The following ZEB1 variants were observed in gnomAD, a reference collection of about 807,000 sequenced individuals.
ZEB1 encodes zinc finger E-box-binding homeobox 1.
A neutral mutation model predicts 84.9 loss-of-function variants in ZEB1; 21 were observed. That is an observed-to-expected ratio of 0.25 (90% CI 0.18 to 0.36). ZEB1 has a LOEUF of 0.36. ZEB1 is among the 10% of genes least tolerant of loss of function. The pLI is 1.00. For synonymous variants in ZEB1, 420 were observed against 471.1 expected (o/e 0.89, Z 1.41); for missense variants, 1,104 against 1,330.2 (o/e 0.83, Z 2.65).
At chr10:31,388,511 A>G (rs908574390) in intron 1 of ZEB1, among the ~76,000 whole-genome samples, 2 of 152,106 alleles carry the variant, frequency 1.3e-5, no homozygotes, top group African/African-American at 4.8e-5. Context: ...TTGCTGTTAG[A>G]ATGAGGAAAA....
intron 2 of ZEB1, among the ~76,000 whole-genome samples, chr10:31,471,641 A>G (rs2063265164): frequency 6.8e-6 from 1 of 147,676 alleles, no homozygotes; most frequent in African/African-American, 2.6e-5. Context: ...TGTCAACATT[A>G]GACAGATCAA....
chr10:31,449,431 T>C (rs1216461628), intron 1 of ZEB1, among the ~76,000 whole-genome samples: 2 of 152,112 alleles, frequency 1.3e-5, no homozygotes, highest in African/African-American at 2.4e-5. Flanking sequence ...CCATCTTGGC[T>C]CCTCTCTGCC....
At chr10:31,324,681 A>G (rs1020416541) in intron 1 of ZEB1, among the ~76,000 whole-genome samples, 4 of 152,192 alleles carry the variant, frequency 2.6e-5, no homozygotes, top group African/African-American at 7.2e-5. Context: ...CTTTATTTCT[A>G]ATTGAGATAT....
intron 1 of ZEB1, chr10:31,321,819 CT>C: frequency 2.2e-6 from 1 of 460,766 alleles, no homozygotes. Flanking sequence ...AAGAGAGGTT[CT>C]TGATCGCTGC....
rs1311532862 is a variant in ZEB1 at position 31,379,587 on chromosome 10, C to T, written c.58+60295C>T. Among the ~76,000 whole-genome samples, 6 of 152,034 alleles carry T rather than the reference C, an allele frequency of 3.9e-5. No individual in the cohort carries two copies. The East Asian group carries it at 1.2e-3, about 29-fold the overall frequency. On this transcript the variant is annotated intron_variant, in intron 1 of 8. Transcript: ENST00000424869. ...TGCCAGTCACACACAGGGCAGTCTG[C>T]CGTATCTTTTGCATCCTTGTTTTGT...
chr10:31,523,517 G>A (rs904073332), intron 7 of ZEB1, among the ~76,000 whole-genome samples: 1 of 152,086 alleles, frequency 6.6e-6, no homozygotes, highest in Non-Finnish European at 1.5e-5. Context: ...GAAAAATGAA[G>A]GCAAAAGATG....
intron 1 of ZEB1, among the ~76,000 whole-genome samples, chr10:31,345,218 T>C (rs2040093732): frequency 6.6e-6 from 1 of 152,094 alleles, no homozygotes; most frequent in Non-Finnish European, 1.5e-5. Context: ...TTTATAGTGC[T>C]CTTAAATCAC....
At chr10:31,483,702 A>T (rs1043058677) in intron 2 of ZEB1, among the ~76,000 whole-genome samples, 6 of 152,034 alleles carry the variant, frequency 3.9e-5, no homozygotes, top group Non-Finnish European at 8.8e-5. Flanking sequence ...GGGCAATCTT[A>T]TCTGTAGCTA....
chr10:31,528,929 T>C lies in ZEB1; in HGVS notation c.*1665T>C, dbSNP rs918848700. On this transcript the variant is annotated 3_prime_UTR_variant, in exon 9 of 9. Transcript: ENST00000424869. ...TTAATATAAAACTTAAATTTTGAAA[T>C]TCACTGTGTGACTAATAGCATGATG... The C allele has an allele frequency of 2.6e-5, 4 of 152,314 alleles. No homozygotes were observed. Among genetic ancestry groups the C allele is most frequent in the South Asian group, 4.1e-4 (2 of 4,832 alleles). 9.4% of individuals were successfully genotyped at this position (152,314 alleles called of 1,614,324 possible). A position where few individuals can be genotyped will look rare whatever the true frequency, so the allele number is the denominator to read the frequency against.
intron 1 of ZEB1, among the ~76,000 whole-genome samples, chr10:31,337,683 G>GTTTTTTTTTTTT (rs756379165): frequency 4.0e-5 from 4 of 98,796 alleles, no homozygotes; most frequent in Non-Finnish European, 5.9e-5. Flanking sequence ...ATTTCTTTCT[G>GTTTTTTTTTTTT]TTTTTTTTTT....
chr10:31,475,737 T>G (rs867580790), intron 2 of ZEB1, among the ~76,000 whole-genome samples: 2 of 152,008 alleles, frequency 1.3e-5, no homozygotes, highest in Admixed American at 6.6e-5. Context: ...TAAGCACACA[T>G]AGAGAGAATT....
Position 31,521,722 on chromosome 10 carries a change from G to A in ZEB1, c.2390G>A (p.Ser797Asn), listed in dbSNP as rs1565214298. 1 of 1,614,114 alleles carries A rather than the reference G, an allele frequency of 6.2e-7. No homozygotes were observed. The highest frequency in any genetic ancestry group is 8.5e-7 in the Non-Finnish European group (1 of 1,180,016). The change falls in exon 7 of 9, where the codon AGT (serine) becomes AAT (asparagine). Residue 797 changes from serine (S) to asparagine (N), a missense_variant. Ser to Asn is a conservative substitution (Grantham distance 46). Transcript: ENST00000424869. ...SEPVVNVIPP[S>N]ANPINIAIPT... ...CCAGTTGTAAATGTAATCCCACCAA[G>A]TGCCAACCCCATAAATATCGCTATA...
intron 1 of ZEB1, among the ~76,000 whole-genome samples, chr10:31,420,546 T>C (rs1230591120): frequency 6.6e-6 from 1 of 152,190 alleles, no homozygotes; most frequent in East Asian, 1.9e-4. Flanking sequence ...ACTCCTCTTT[T>C]AAGGGTTCAC....
intron 1 of ZEB1, among the ~76,000 whole-genome samples, chr10:31,375,182 T>G (rs2046409723): frequency 6.6e-6 from 1 of 151,528 alleles, no homozygotes; most frequent in Admixed American, 6.6e-5. Flanking sequence ...CGCAGTGACT[T>G]CTAAATTTAG....
At chr10:31,388,153 A>T (rs1263876364) in intron 1 of ZEB1, among the ~76,000 whole-genome samples, 1 of 152,158 alleles carries the variant, frequency 6.6e-6, no homozygotes, top group Admixed American at 6.6e-5. Context: ...TAATATTAGG[A>T]TTAGGTCAGT....
At chr10:31,420,511 C>A (rs2055977796) in intron 1 of ZEB1, among the ~76,000 whole-genome samples, 1 of 152,140 alleles carries the variant, frequency 6.6e-6, no homozygotes, top group Non-Finnish European at 1.5e-5. Context: ...TACTGCTTTG[C>A]CTCTCTGAAT....
intron 1 of ZEB1, chr10:31,373,193 T>C (rs190389500): frequency 4.7e-4 from 462 of 973,010 alleles, no homozygotes; most frequent in Admixed American, 1.8e-3. Context: ...TTCATTTAAA[T>C]TGTGTGTGTG....
At chr10:31,399,622 G>GT (rs751706124) in intron 1 of ZEB1, among the ~76,000 whole-genome samples, 136 of 152,194 alleles carry the variant, frequency 8.9e-4, no homozygotes, top group Non-Finnish European at 1.4e-3. Context: ...TGGTCTTCCT[G>GT]TTTTTTCCTG....
In ZEB1 at chr10:31,520,913, G is replaced by A. The variant is rs2072190414; in HGVS notation, c.1581G>A (p.Val527=). ...AGGACAAAAGCTTTGAAGGGGGGGT[G>A]AATGATAGCACTTGTCTTCTGTGTG... ...SEKDKSFEGG[V]NDSTCLLCDD... is the part of the protein sequence containing the mutation. Residue 527 remains valine, a synonymous_variant, in exon 7 of 9, where the codon GTG becomes GTA. Transcript: ENST00000424869. The surrounding 1 kb of genome is among the most constrained non-coding windows in gnomAD (Gnocchi z 5.1). The A allele has an allele frequency of 1.2e-6, 2 of 1,614,132 alleles. No homozygotes were observed. Among genetic ancestry groups the A allele is most frequent in the Non-Finnish European group, 1.7e-6 (2 of 1,180,018 alleles).
Sources: gnomAD v4.1 joint callset for allele counts (sites outside exome capture counted in the v4.1 genomes callset) on GRCh38, gnomAD v4.1.1 for gene constraint, Gnocchi (gnomAD v3.1) non-coding constraint, MANE v1.5 for transcripts, NCBI Gene and HGNC (gene_info 2026-07-23, HGNC 2026-07-21) for gene names.